RALB: variants seen among roughly 807,000 people sequenced by gnomAD.
RALB encodes the protein ras-related protein Ral-B.
Under a neutral mutation model 21.3 loss-of-function variants are expected in RALB, and 16 were observed. That is an observed-to-expected ratio of 0.75 (90% confidence interval 0.51 to 1.14). The LOEUF (loss-of-function observed/expected upper bound fraction) is 1.14. Among genes scored for constraint, RALB ranks in the 50% most tolerant of loss-of-function variants. RALB has a pLI of 0.00. For missense variants in RALB, 161 were observed against 256.2 expected, an observed-to-expected ratio of 0.63 and a Z score of 2.54; for synonymous variants, 93 against 96.1, an observed-to-expected ratio of 0.97 and a Z score of 0.19.
At chr2:120,271,398 A>G (rs893621551) in intron 1 of RALB, among the ~76,000 whole-genome samples, 12 of 152,208 alleles carry the variant, frequency 7.9e-5, no homozygotes, top group African/African-American at 2.2e-4. Flanking sequence ...TTTCCCGACA[A>G]GTCATCTAAG....
At chr2:120,245,836 C>G (rs974681890) in intron 1 of RALB, among the ~76,000 whole-genome samples, 14 of 152,172 alleles carry the variant, frequency 9.2e-5, no homozygotes, top group African/African-American at 3.1e-4. Flanking sequence ...GTGGAGCCCA[C>G]CCCAATGTCA....
Position 120,294,444 on chromosome 2 carries a change from G to T in RALB, c.*1184G>T, listed in dbSNP as rs1363157211. ...CATATCTTTAAACTTTCTTGCATCA[G>T]TATTCTAAATTGAGCAAACTGAAAG... is the stretch of plus-strand genomic sequence containing the variant. On this transcript the variant is annotated 3_prime_UTR_variant, in exon 5 of 5. Transcript: ENST00000272519. 2.5e-6 allele frequency: 1 copy of T among 395,250 alleles called. No individual in the cohort carries two copies. Among genetic ancestry groups the T allele is most frequent in the Non-Finnish European group, 4.5e-6 (1 of 224,312 alleles). The allele number at this position is 395,250 out of a possible 1,614,324, so 24.5% of individuals were successfully genotyped here.
chr2:120,274,963 C>T (rs1234335537), intron 1 of RALB, among the ~76,000 whole-genome samples: 2 of 152,338 alleles, frequency 1.3e-5, no homozygotes, highest in East Asian at 3.9e-4. Context: ...GACTCCCGAA[C>T]ACTCATTGCC....
intron 1 of RALB, among the ~76,000 whole-genome samples, chr2:120,244,787 AC>A (rs1688944788): frequency 6.6e-6 from 1 of 152,204 alleles, no homozygotes; most frequent in South Asian, 2.1e-4. Flanking sequence ...TAGCCAGAGG[AC>A]CCAATTTCCC....
intron 1 of RALB, among the ~76,000 whole-genome samples, chr2:120,271,413 C>T (rs1689662970): frequency 6.6e-6 from 1 of 152,244 alleles, no homozygotes; most frequent in Non-Finnish European, 1.5e-5. Context: ...TCTAAGTGGA[C>T]ATCCTTAGTT....
At chr2:120,273,719 C>A (rs1362759978) in intron 1 of RALB, among the ~76,000 whole-genome samples, 12 of 152,242 alleles carry the variant, frequency 7.9e-5, no homozygotes. Context: ...ATGGAGTCAG[C>A]ACGTTCAGCT....
chr2:120,281,551 C>A (rs1211596510), intron 2 of RALB, among the ~76,000 whole-genome samples: 1 of 152,154 alleles, frequency 6.6e-6, no homozygotes. Context: ...CAAACCCAAA[C>A]CTGGTTATCC....
rs796597535 is a variant in RALB at position 120,268,955 on chromosome 2, CATTGT to C, written c.-47-9659_-47-9655del. On this transcript the variant is annotated intron_variant, in intron 1 of 4. Transcript: ENST00000272519. Reference sequence around the variant, plus strand: ...ACAAACAATTTTTTTAAACAAATGACATTGTATTATATGTTTTCTGCACGTTTCTG... The same window carrying C: ...ACAAACAATTTTTTTAAACAAATGACATTATATGTTTTCTGCACGTTTCTG... Among the ~76,000 whole-genome samples the C allele has an allele frequency of 4.6e-5, 7 of 152,128 alleles. 1 individual carries two copies. The highest frequency in any genetic ancestry group is 1.7e-4 in the African/African-American group (7 of 41,500).
intron 1 of RALB, among the ~76,000 whole-genome samples, chr2:120,260,924 G>A (rs757466394): frequency 5.3e-5 from 8 of 152,194 alleles, no homozygotes; most frequent in Admixed American, 1.3e-4. Flanking sequence ...AATGGTTTCC[G>A]TAAATAGTGA....
At chr2:120,263,588 C>T (rs111950532) in intron 1 of RALB, among the ~76,000 whole-genome samples, 56 of 149,150 alleles carry the variant, frequency 3.8e-4, no homozygotes, top group African/African-American at 1.3e-3. Flanking sequence ...GAGACGAAGT[C>T]TCGCTCTGTC....
At chr2:120,272,877 A>G (rs983094429) in intron 1 of RALB, among the ~76,000 whole-genome samples, 1 of 152,122 alleles carries the variant, frequency 6.6e-6, no homozygotes, top group East Asian at 1.9e-4. Context: ...TTGTACTGTA[A>G]TCATTTACTT....
At chr2:120,268,272 C>G (rs1456890362) in intron 1 of RALB, among the ~76,000 whole-genome samples, 1 of 151,974 alleles carries the variant, frequency 6.6e-6, no homozygotes, top group Non-Finnish European at 1.5e-5. Context: ...GGCCCTGTGT[C>G]CAGTTGCTCC....
upstream of RALB, among the ~76,000 whole-genome samples, chr2:120,250,294 G>T (rs1331172108): frequency 6.6e-6 from 1 of 152,156 alleles, no homozygotes; most frequent in Non-Finnish European, 1.5e-5. Context: ...GTTGGTAGGG[G>T]GCCTGTGCTC....
At chr2:120,259,443 G>A (rs529438518) in intron 1 of RALB, among the ~76,000 whole-genome samples, 26 of 152,288 alleles carry the variant, frequency 1.7e-4, no homozygotes, top group African/African-American at 6.0e-4. Context: ...TAGATACAGA[G>A]TGTCAATTGG....
At position 120,263,822 on chromosome 2, in the gene RALB, G is replaced by A. The variant is rs940668382; in HGVS notation, c.-48+10842G>A. ...TGGGATTATAGGCATGAGCCACTGC[G>A]CCTGGCCTGTCCTATATTTTATTTT... On this transcript the variant is annotated intron_variant, in intron 1 of 4. Transcript: ENST00000272519. Among the ~76,000 whole-genome samples, 7 of 151,542 alleles carry A rather than the reference G, an allele frequency of 4.6e-5. 1 individual carries two copies. Among genetic ancestry groups the A allele is most frequent in the South Asian group, 4.2e-4 (2 of 4,798 alleles).
intron 1 of RALB, chr2:120,253,406 C>T: frequency 1.0e-6 from 1 of 985,600 alleles, no homozygotes; most frequent in Middle Eastern, 5.2e-4. Context: ...TTGCACGCGC[C>T]GTGAACTGGG....
intron 1 of RALB, among the ~76,000 whole-genome samples, chr2:120,240,643 T>C (rs1459027152): frequency 1.3e-5 from 2 of 152,084 alleles, no homozygotes; most frequent in Admixed American, 6.6e-5. Context: ...CAAAGTGATG[T>C]TAAAGCTTCC....
intron 1 of RALB, among the ~76,000 whole-genome samples, chr2:120,277,243 G>A (rs3933621): frequency 0.16 from 23,807 of 152,124 alleles, 2,526 homozygotes; most frequent in Middle Eastern, 0.3. Flanking sequence ...ATGTGTGTGT[G>A]AGAAAGTGTA....
chr2:120,245,153 G>A (rs1243672163), intron 1 of RALB, among the ~76,000 whole-genome samples: 1 of 152,228 alleles, frequency 6.6e-6, no homozygotes, highest in Non-Finnish European at 1.5e-5. Flanking sequence ...TCACTTTATA[G>A]ATGAGAACAC....
Sources: gnomAD v4.1 joint callset for allele counts (sites outside exome capture counted in the v4.1 genomes callset) on GRCh38, gnomAD v4.1.1 for gene constraint, MANE v1.5 for transcripts, NCBI Gene and HGNC (gene_info 2026-07-23, HGNC 2026-07-21) for gene names.